Variants in KCNQ1 observed in about 807,000 individuals in gnomAD.
The protein encoded by KCNQ1 is potassium voltage-gated channel subfamily Q member 1.
In KCNQ1, 49 loss-of-function variants were observed where a neutral mutation model predicts 72.4. The observed-to-expected ratio is 0.68, with a 90% CI of 0.54 to 0.86. KCNQ1 has a LOEUF of 0.86. Among genes scored for constraint, KCNQ1 ranks in the 40% least tolerant of loss-of-function variants. The probability of loss-of-function intolerance (pLI) is 0.00; values close to 1 mark genes in which losing one functional copy is unlikely to be tolerated. For missense variants in KCNQ1, 790 were observed against 945.1 expected, an observed-to-expected ratio of 0.84 and a Z score of 2.15; for synonymous variants, 450 against 412.6, an observed-to-expected ratio of 1.09 and a Z score of -1.10.
At chr11:2,656,722 C>G (rs1003555229) in intron 10 of KCNQ1, 12 of 398,350 alleles carry the variant, frequency 3.0e-5, no homozygotes, top group Non-Finnish European at 4.9e-5. Context: ...GGTCTTAACT[C>G]TAATGTCAAA....
rs187019395 is a variant in KCNQ1, at chr11:2,447,640, C to T, written c.386+2156C>T. ...CACCTGCAGCCTCACGAAATCAGGT[C>T]CAGCCTTGCGCCAGTCCAGCCTTGT... On this transcript the variant is annotated intron_variant, in intron 1 of 15. Coordinates refer to ENST00000155840, the MANE Select transcript of KCNQ1 (RefSeq NM_000218.3). The surrounding 1 kb of genome is among the most constrained non-coding windows in gnomAD (Gnocchi z 7.6). 1.5e-3 allele frequency among the ~76,000 whole-genome samples: 226 copies of T among 152,248 alleles called. 1 individual carries two copies. The Middle Eastern group carries it at 0.017, about 11-fold the overall frequency.
At chr11:2,708,151 T>C (rs1850942418) in intron 11 of KCNQ1, among the ~76,000 whole-genome samples, 1 of 152,230 alleles carries the variant, frequency 6.6e-6, no homozygotes, top group African/African-American at 2.4e-5. Flanking sequence ...TTGTTTTTTA[T>C]GGAACTGGGC....
intron 12 of KCNQ1, among the ~76,000 whole-genome samples, chr11:2,770,142 G>A (rs997980225): frequency 6.6e-6 from 1 of 152,138 alleles, no homozygotes; most frequent in Admixed American, 6.5e-5. Context: ...TTTCACACCA[G>A]GCCACACCTT....
At chr11:2,551,701 G>A (rs144861086) in intron 2 of KCNQ1, among the ~76,000 whole-genome samples, 222 of 152,306 alleles carry the variant, frequency 1.5e-3, no homozygotes, top group Non-Finnish European at 2.7e-3. Flanking sequence ...TGGTAGGCCC[G>A]TTTTCCACTC....
chr11:2,577,781 G>A (rs150317175), intron 6 of KCNQ1, among the ~76,000 whole-genome samples: 15 of 152,198 alleles, frequency 9.9e-5, no homozygotes, highest in Non-Finnish European at 1.6e-4. Flanking sequence ...GGGGCTGGGC[G>A]TCCCCTTGGA....
In KCNQ1 at chr11:2,547,535, G is replaced by A. The variant is rs117259562; in HGVS notation, c.477+19517G>A. On this transcript the variant is annotated intron_variant, in intron 2 of 15. Transcript: ENST00000155840. This position sits in a 1 kb window ranked among gnomAD's most constrained non-coding sequence, Gnocchi z 4.2. Reference sequence around the variant, plus strand: ...AGGCATGAGCCACCGTGCCCAGCCTGTATTTTTGTCCTAATAGTTACCTTT... The same window carrying A: ...AGGCATGAGCCACCGTGCCCAGCCTATATTTTTGTCCTAATAGTTACCTTT... 0.012 allele frequency among the ~76,000 whole-genome samples: 1,897 copies of A among 152,264 alleles called. 17 individuals are homozygous for A. The highest frequency in any genetic ancestry group is 0.021 in the Admixed American group (318 of 15,298).
Position 2,571,365 on chromosome 11 carries a change from G to T in KCNQ1, c.645G>T (p.Val215=). The T allele has an allele frequency of 3.1e-6, 5 of 1,612,982 alleles. No individual in the cohort carries two copies. Among genetic ancestry groups the T allele is most frequent in the Non-Finnish European group, 4.2e-6 (5 of 1,179,950 alleles). The change falls in exon 4 of 16, where the codon GTG becomes GTT. Residue 215 remains valine, a synonymous_variant. Transcript: ENST00000155840. The part of the protein sequence containing the change: ...VVVASMVVLC[V]GSKGQVFATS... ...TGGCCTCCATGGTGGTCCTCTGCGT[G>T]GGCTCCAAGGGGCAGGTGTTTGCCA...
intron 1 of KCNQ1, among the ~76,000 whole-genome samples, chr11:2,525,045 G>A (rs775523653): frequency 5.7e-4 from 87 of 152,230 alleles, no homozygotes; most frequent in Non-Finnish European, 1.0e-3. Flanking sequence ...CATGGCGGAG[G>A]GAGCCCTGGT....
intron 1 of KCNQ1, among the ~76,000 whole-genome samples, chr11:2,454,842 C>A (rs925565304): frequency 2.0e-5 from 3 of 152,064 alleles, no homozygotes; most frequent in African/African-American, 7.2e-5. Context: ...GACACATTCC[C>A]CTTAAGAATA....
chr11:2,731,397 G>A (rs539875866), intron 11 of KCNQ1, among the ~76,000 whole-genome samples: 6 of 152,342 alleles, frequency 3.9e-5, no homozygotes, highest in African/African-American at 1.2e-4. Flanking sequence ...GGCACATTCC[G>A]GCTGTGTGTC....
At chr11:2,744,914 C>T (rs1033829822) in intron 11 of KCNQ1, among the ~76,000 whole-genome samples, 17 of 152,010 alleles carry the variant, frequency 1.1e-4, no homozygotes, top group African/African-American at 3.9e-4. Context: ...CTATGGTGGT[C>T]GATGGTGTCA....
In KCNQ1 at chr11:2,623,610, A is replaced by G. The variant is rs1849211270; in HGVS notation, c.1393+34756A>G. On this transcript the variant is annotated intron_variant, in intron 10 of 15. Transcript: ENST00000155840. The surrounding 1 kb of genome is among the most constrained non-coding windows in gnomAD (Gnocchi z 5.2). ...TTTCATGGCTTGATAGCTCATTTCTATTTAGTGATGAATAATATTTCATTG... is the reference window on the plus strand; with the variant it reads ...TTTCATGGCTTGATAGCTCATTTCTGTTTAGTGATGAATAATATTTCATTG... 2.5e-6 allele frequency: 1 copy of G among 398,404 alleles called. No homozygotes were observed. The highest frequency in any genetic ancestry group is 1.3e-4 in the South Asian group (1 of 7,842). The allele number at this position is 398,404 out of a possible 1,614,324, so 24.7% of individuals were successfully genotyped here.
chr11:2,611,100 GA>G lies in KCNQ1; in HGVS notation c.1393+22247del. ...CTGTTATAAATTTTTATTTCTTTAT[GA>G]CTTCTGTTTATGATTTCTATTTCTT... is the stretch of plus-strand genomic sequence containing the variant. On this transcript the variant is annotated intron_variant, in intron 10 of 15. Coordinates refer to ENST00000155840, the MANE Select transcript of KCNQ1 (RefSeq NM_000218.3). This position sits in a 1 kb window ranked among gnomAD's most constrained non-coding sequence, Gnocchi z 5.3. 1 of 398,152 alleles carries G rather than the reference GA, an allele frequency of 2.5e-6. No individual in the cohort carries two copies. 24.7% of individuals were successfully genotyped at this position (398,152 alleles called of 1,614,324 possible). A position where few individuals can be genotyped will look rare whatever the true frequency, so the allele number is the denominator to read the frequency against.
At chr11:2,791,499 G>A (rs1033453965) in intron 15 of KCNQ1, among the ~76,000 whole-genome samples, 2 of 152,150 alleles carry the variant, frequency 1.3e-5, no homozygotes, top group Non-Finnish European at 2.9e-5. Flanking sequence ...GCAGTGGCTT[G>A]GTCACCATCA....
chr11:2,557,285 A>T (rs1848086519), intron 2 of KCNQ1, among the ~76,000 whole-genome samples: 1 of 152,260 alleles, frequency 6.6e-6, no homozygotes, highest in Non-Finnish European at 1.5e-5. Flanking sequence ...ACAACATAAA[A>T]TACATAAAGC....
At chr11:2,801,356 C>A (rs997250635) in intron 15 of KCNQ1, among the ~76,000 whole-genome samples, 2 of 152,202 alleles carry the variant, frequency 1.3e-5, no homozygotes, top group African/African-American at 4.8e-5. Context: ...GCTGGCCAGT[C>A]GTATCAGCTG....
rs1018071194 is a variant in KCNQ1, at chr11:2,588,480, G to A, written c.1252-233G>A. 2.0e-5 allele frequency among the ~76,000 whole-genome samples: 3 copies of A among 152,102 alleles called. No individual in the cohort carries two copies. The highest frequency in any genetic ancestry group is 7.2e-5 in the African/African-American group (3 of 41,416). ...TTATCTGCTTCCTGCTGTCCTGTTA[G>A]CGAGGCCGTGAGCTCACAGGGCAGC... On this transcript the variant is annotated intron_variant, in intron 9 of 15. Coordinates refer to ENST00000155840, the MANE Select transcript of KCNQ1 (RefSeq NM_000218.3). The surrounding 1 kb of genome is among the most constrained non-coding windows in gnomAD (Gnocchi z 5.6).
In KCNQ1 at chr11:2,712,702, C is replaced by G. The variant is rs1041098278; in HGVS notation, c.1514+50621C>G. Among the ~76,000 whole-genome samples the G allele has an allele frequency of 6.6e-6, 1 of 152,234 alleles. No homozygotes were observed. Among genetic ancestry groups the G allele is most frequent in the Non-Finnish European group, 1.5e-5 (1 of 68,042 alleles). On this transcript the variant is annotated intron_variant, in intron 11 of 15. Coordinates refer to ENST00000155840, the MANE Select transcript of KCNQ1 (RefSeq NM_000218.3). The surrounding 1 kb of genome is among the most constrained non-coding windows in gnomAD (Gnocchi z 6.4). The stretch of plus-strand genomic sequence containing the variant: ...CCTACAGGAGAGCCCTGTGGACACT[C>G]CAGCCTCAGCCTTCCTTGCCATCCG...
rs1848835082 is a variant in KCNQ1 at position 2,603,445 on chromosome 11, C to T, written c.1393+14591C>T. 6.6e-6 allele frequency among the ~76,000 whole-genome samples: 1 copy of T among 152,126 alleles called. No individual in the cohort carries two copies. The highest frequency in any genetic ancestry group is 2.1e-4 in the South Asian group (1 of 4,832). ...AAAGTGAAGTGTGCCTGTGTATCCC[C>T]AGAGCTGTGCAACTGCCACTCCAGT... On this transcript the variant is annotated intron_variant, in intron 10 of 15. Coordinates refer to ENST00000155840, the MANE Select transcript of KCNQ1 (RefSeq NM_000218.3). The surrounding 1 kb of genome is among the most constrained non-coding windows in gnomAD (Gnocchi z 4.1).
Sources: allele counts gnomAD v4.1 joint callset (sites outside exome capture counted in the v4.1 genomes callset), GRCh38; gene constraint gnomAD v4.1.1; non-coding constraint Gnocchi (gnomAD v3.1); transcripts MANE v1.5; gene names NCBI Gene and HGNC (gene_info 2026-07-23, HGNC 2026-07-21).